KAT6B: variants seen among roughly 807,000 people sequenced by gnomAD.
KAT6B encodes the protein histone acetyltransferase KAT6B.
In KAT6B, 10 loss-of-function variants were observed where a neutral mutation model predicts 187.5. That is an observed-to-expected ratio of 0.05 (90% confidence interval 0.03 to 0.09). The LOEUF (loss-of-function observed/expected upper bound fraction) is 0.09. Among genes scored for constraint, KAT6B ranks in the 10% least tolerant of loss-of-function variants. The pLI, the probability that KAT6B is intolerant of heterozygous loss-of-function variation, is 1.00. For missense variants in KAT6B, 1,952 were observed against 2,558.9 expected (o/e 0.76, Z 5.12); for synonymous variants, 861 against 926.8 (o/e 0.93, Z 1.29).
At chr10:74,860,653 T>C (rs1250154238) in intron 3 of KAT6B, among the ~76,000 whole-genome samples, 1 of 152,198 alleles carries the variant, frequency 6.6e-6, no homozygotes, top group Non-Finnish European at 1.5e-5. Flanking sequence ...TATAAAACAC[T>C]GTATTAGGCA....
chr10:74,836,492 A>G (rs1841320390), intron 1 of KAT6B, among the ~76,000 whole-genome samples: 1 of 152,234 alleles, frequency 6.6e-6, no homozygotes, highest in Non-Finnish European at 1.5e-5. Flanking sequence ...TGCAGGGAGC[A>G]TCAGCTCGCT....
intron 1 of KAT6B, among the ~76,000 whole-genome samples, chr10:74,835,218 G>C (rs932786690): frequency 1.3e-5 from 2 of 152,184 alleles, no homozygotes; most frequent in Non-Finnish European, 2.9e-5. Context: ...TGAAGGATTT[G>C]AATTTGGGCA....
intron 3 of KAT6B, among the ~76,000 whole-genome samples, chr10:74,953,126 G>A (rs10824249): frequency 0.081 from 12,292 of 150,844 alleles, 665 homozygotes; most frequent in South Asian, 0.27. Context: ...AATAGTTGCA[G>A]GCCTTTTGGC....
chr10:74,999,142 G>A (rs1030781887), intron 13 of KAT6B, among the ~76,000 whole-genome samples: 12 of 152,224 alleles, frequency 7.9e-5, no homozygotes, highest in Admixed American at 7.9e-4. Context: ...GTCAATGGAG[G>A]CCTGACAGTG....
intron 3 of KAT6B, among the ~76,000 whole-genome samples, chr10:74,924,941 AC>A (rs1848386449): frequency 6.6e-6 from 1 of 152,180 alleles, no homozygotes; most frequent in Non-Finnish European, 1.5e-5. Flanking sequence ...TGGGGAATAA[AC>A]TAATTCTTAA....
intron 3 of KAT6B, among the ~76,000 whole-genome samples, chr10:74,931,797 G>A (rs1320113896): frequency 9.2e-5 from 14 of 152,288 alleles, no homozygotes; most frequent in South Asian, 2.1e-4. Flanking sequence ...TGCAACCTCC[G>A]CCTCCTGGGT....
chr10:74,915,139 G>C (rs1197776394), intron 3 of KAT6B, among the ~76,000 whole-genome samples: 1 of 151,762 alleles, frequency 6.6e-6, no homozygotes, highest in Non-Finnish European at 1.5e-5. Context: ...TCTTACTTTG[G>C]CAAAAATATA....
chr10:74,975,279 A>C (rs1842079240), intron 7 of KAT6B, 120 bp from the exon 8 acceptor site: 2 of 824,934 alleles, frequency 2.4e-6, no homozygotes, highest in East Asian at 5.3e-5. Flanking sequence ...GGCACACACA[A>C]AAAATACAGT....
At chr10:74,885,793 A>T (rs1248701579) in intron 3 of KAT6B, among the ~76,000 whole-genome samples, 1 of 148,652 alleles carries the variant, frequency 6.7e-6, no homozygotes, top group East Asian at 2.0e-4. Flanking sequence ...GTGCAGTGGC[A>T]CGATCTCAGC....
chr10:75,006,526 C>T (rs563027136), intron 13 of KAT6B, among the ~76,000 whole-genome samples: 1 of 152,262 alleles, frequency 6.6e-6, no homozygotes, highest in Middle Eastern at 3.4e-3. Context: ...TCTCAGCTTA[C>T]TGCAGCCTCA....
At chr10:74,887,395 T>C (rs1249385460) in intron 3 of KAT6B, among the ~76,000 whole-genome samples, 1 of 152,142 alleles carries the variant, frequency 6.6e-6, no homozygotes, top group Non-Finnish European at 1.5e-5. Context: ...TGGCGCAATC[T>C]TGGCTCACTG....
At chr10:74,847,539 C>T (rs1564518727) in intron 3 of KAT6B, among the ~76,000 whole-genome samples, 1 of 151,990 alleles carries the variant, frequency 6.6e-6, no homozygotes, top group African/African-American at 2.4e-5. Flanking sequence ...TGGTGCATGC[C>T]TGTAATCCCA....
At chr10:74,952,846 A>ATTTTTTTTTTTTTTTTTTT (rs34687036) in intron 3 of KAT6B, among the ~76,000 whole-genome samples, 5 of 90,520 alleles carry the variant, frequency 5.5e-5, no homozygotes, top group African/African-American at 8.2e-5. Flanking sequence ...TGCCTGGCTA[A>ATTTTTTTTTTTTTTTTTTT]TTTTTTTTTT....
chr10:74,879,067 A>G (rs187150852), intron 3 of KAT6B, among the ~76,000 whole-genome samples: 124 of 152,264 alleles, frequency 8.1e-4, no homozygotes, highest in African/African-American at 2.9e-3. Flanking sequence ...TACAACCATC[A>G]CTAGTGGCAG....
At chr10:74,967,498 G>T (rs767291395) in intron 4 of KAT6B, among the ~76,000 whole-genome samples, 202 of 152,162 alleles carry the variant, frequency 1.3e-3, no homozygotes, top group Non-Finnish European at 1.1e-3. Context: ...TTATTTTAAA[G>T]TTGGCCATGA....
At chr10:74,943,989 G>A (rs960983528) in intron 3 of KAT6B, among the ~76,000 whole-genome samples, 1 of 152,204 alleles carries the variant, frequency 6.6e-6, no homozygotes, top group South Asian at 2.1e-4. Context: ...GGTGTTACAG[G>A]TTGTGTTCCT....
rs1421432098 is a variant in KAT6B, at chr10:74,861,946, C to T, written c.621+18468C>T. Reference sequence around the variant, plus strand: ...CCTTGCCTAACCCAAGATGATTTGACGATGGGCCTCTCTCCTCTTTGTCTT... The same window carrying T: ...CCTTGCCTAACCCAAGATGATTTGATGATGGGCCTCTCTCCTCTTTGTCTT... On this transcript the variant is annotated intron_variant, in intron 3 of 17. Transcript: ENST00000287239. 5.3e-5 allele frequency among the ~76,000 whole-genome samples: 8 copies of T among 152,018 alleles called. No homozygotes were observed. In the East Asian group the frequency reaches 1.5e-3, roughly 29 times the overall value.
At chr10:74,830,861 C>T (rs1440321014) in intron 1 of KAT6B, among the ~76,000 whole-genome samples, 3 of 133,502 alleles carry the variant, frequency 2.2e-5, no homozygotes, top group Non-Finnish European at 3.1e-5. Flanking sequence ...GATCTTGGCT[C>T]ACTGCAACCT....
chr10:74,830,748 A>ATATG (rs1554912236), intron 1 of KAT6B, among the ~76,000 whole-genome samples: 1 of 19,052 alleles, frequency 5.2e-5, no homozygotes, highest in Non-Finnish European at 8.2e-5. Context: ...ATATATATAT[A>ATATG]TATATATATA....
Sources: gnomAD v4.1 joint callset for allele counts (sites outside exome capture counted in the v4.1 genomes callset) on GRCh38, gnomAD v4.1.1 for gene constraint, MANE v1.5 for transcripts, NCBI Gene and HGNC (gene_info 2026-07-23, HGNC 2026-07-21) for gene names.